The following VPS41 variants were observed in gnomAD, a reference collection of about 807,000 sequenced individuals.
VPS41 encodes vacuolar protein sorting-associated protein 41 homolog.
A neutral mutation model predicts 130.9 loss-of-function variants in VPS41; 85 were observed. The ratio of observed to expected loss-of-function variants is 0.65; its 90% confidence interval spans 0.55 to 0.78. VPS41 has a LOEUF of 0.78. VPS41 is among the 30% of genes least tolerant of loss of function. The probability of loss-of-function intolerance (pLI) is 0.00; values close to 1 mark genes in which losing one functional copy is unlikely to be tolerated. For missense variants in VPS41, 874 were observed against 1,018.7 expected (o/e 0.86, Z 1.93); for synonymous variants, 335 against 332.9 (o/e 1.01, Z -0.07).
chr7:38,817,691 T>C (rs1045443575), intron 7 of VPS41, 126 bp downstream of exon 7: 45 of 825,312 alleles, frequency 5.5e-5, no homozygotes, highest in Non-Finnish European at 8.0e-5. Flanking sequence ...CAGATTTCAT[T>C]ACATTTGTCT....
At chr7:38,758,932 TGGAA>T (rs574494344) in intron 17 of VPS41, among the ~76,000 whole-genome samples, 1,860 of 152,352 alleles carry the variant, frequency 0.012, 55 homozygotes, top group African/African-American at 0.041. Context: ...AAAGAGGACC[TGGAA>T]GCTCCATGCC....
chr7:38,893,997 T>A (rs1290308556), intron 2 of VPS41, among the ~76,000 whole-genome samples: 2 of 152,126 alleles, frequency 1.3e-5, no homozygotes, highest in Admixed American at 1.3e-4. Flanking sequence ...TTACATGAAA[T>A]GCAACATTTC....
chr7:38,731,679 T>C (rs1267031432), intron 25 of VPS41, among the ~76,000 whole-genome samples: 1 of 152,112 alleles, frequency 6.6e-6, no homozygotes, highest in South Asian at 2.1e-4. Context: ...CACTCTTCTG[T>C]TACTCAGGTT....
Position 38,728,302 on chromosome 7 carries a change from T to G in VPS41, c.2404+240A>C, listed in dbSNP as rs75978641. On this transcript the variant is annotated intron_variant, in intron 27 of 28. Coordinates refer to ENST00000310301, the MANE Select transcript of VPS41 (RefSeq NM_014396.4). The stretch of plus-strand genomic sequence containing the variant: ...CTAGGGAGTCTGACTGGGTCAGCGA[T>G]CTGGGTTCCAATAAGCCTGCCAGGT... 3,023 of 668,066 alleles carry G rather than the reference T, an allele frequency of 4.5e-3. 70 individuals are homozygous for G. The highest frequency in any genetic ancestry group is 0.045 in the African/African-American group (2,503 of 55,876). 41.4% of individuals were successfully genotyped at this position (668,066 alleles called of 1,614,324 possible).
chr7:38,790,182 A>G (rs997502865), intron 9 of VPS41, among the ~76,000 whole-genome samples: 4 of 152,194 alleles, frequency 2.6e-5, no homozygotes, highest in Non-Finnish European at 5.9e-5. Context: ...TCTTTTACAT[A>G]GTGTTCTTTT....
intron 14 of VPS41, among the ~76,000 whole-genome samples, chr7:38,769,662 C>T (rs1335359067): frequency 3.3e-5 from 5 of 152,186 alleles, no homozygotes; most frequent in Admixed American, 3.3e-4. Flanking sequence ...GATTTTTACT[C>T]TTATTCTTTC....
chr7:38,830,520 T>C (rs769343469), intron 4 of VPS41, among the ~76,000 whole-genome samples, 192 bp from the exon 5 acceptor site: 1 of 152,210 alleles, frequency 6.6e-6, no homozygotes, highest in Non-Finnish European at 1.5e-5. Flanking sequence ...CAACATGAGC[T>C]TGCAGAGTAG....
Position 38,725,522 on chromosome 7 carries a change from AT to A in VPS41, c.*723del, listed in dbSNP as rs1795519832. 6.6e-6 allele frequency: 1 copy of A among 152,246 alleles called. No homozygotes were observed. The highest frequency in any genetic ancestry group is 1.5e-5 in the Non-Finnish European group (1 of 68,060). 9.4% of individuals were successfully genotyped at this position (152,246 alleles called of 1,614,324 possible). The stretch of plus-strand genomic sequence containing the variant: ...CAAGGGTGCCAGAATTCTTAACTGC[AT>A]TTGTTTATCCCAGTAAAAGTGAGTC... On this transcript the variant is annotated 3_prime_UTR_variant, in exon 29 of 29. Transcript: ENST00000310301.
intron 7 of VPS41, among the ~76,000 whole-genome samples, chr7:38,804,740 T>C (rs1233276067): frequency 1.3e-5 from 2 of 152,252 alleles, no homozygotes; most frequent in African/African-American, 4.8e-5. Flanking sequence ...GGCTTGGCAA[T>C]CAAGCCAGCA....
rs766462863 is a variant in VPS41, at chr7:38,817,851, G to C, written c.416C>G (p.Ser139Cys). Residue 139 changes from serine to cysteine, a missense_variant, in exon 7 of 29, where the codon TCC (serine) becomes TGC (cysteine). Physicochemically the swap from Ser to Cys is moderately radical, Grantham distance 112 (BLOSUM62 -1). Coordinates refer to ENST00000310301, the MANE Select transcript of VPS41 (RefSeq NM_014396.4). ...TCCGGTCACAAACTGCTTGCAACTG[G>C]ATCTCACGAAATGTGGGTGCACAGC... ...IIAVHPHFVR[S>C]SCKQFVTGGK... The C allele has an allele frequency of 6.2e-7, 1 of 1,614,074 alleles. No individual in the cohort carries two copies. The highest frequency in any genetic ancestry group is 1.1e-5 in the South Asian group (1 of 91,086).
At chr7:38,893,122 A>G (rs1365636783) in intron 2 of VPS41, among the ~76,000 whole-genome samples, 1 of 152,188 alleles carries the variant, frequency 6.6e-6, no homozygotes, top group Non-Finnish European at 1.5e-5. Context: ...CACAGAATCA[A>G]GTCCACACTT....
intron 2 of VPS41, among the ~76,000 whole-genome samples, chr7:38,890,708 T>C (rs1020688604): frequency 7.2e-5 from 11 of 151,880 alleles, no homozygotes; most frequent in African/African-American, 2.7e-4. Context: ...CTTTTAGAGA[T>C]AGGGTCTTGC....
chr7:38,879,743 G>T (rs1786562674), intron 2 of VPS41, among the ~76,000 whole-genome samples: 5 of 152,114 alleles, frequency 3.3e-5, no homozygotes, highest in Admixed American at 3.3e-4. Context: ...CTAATGCTGT[G>T]GCTGATCTAA....
chr7:38,878,776 C>T lies in VPS41; in HGVS notation c.61-9523G>A, dbSNP rs558334533. On this transcript the variant is annotated intron_variant, in intron 2 of 28. Transcript: ENST00000310301. ...TCAGTAAATACAAAGGTTTCTTTAC[C>T]GAAGAGCTAAGAATGAAGAGCCACG... Among the ~76,000 whole-genome samples, 5 of 152,168 alleles carry T rather than the reference C, an allele frequency of 3.3e-5. No homozygotes were observed. The East Asian group carries it at 9.6e-4, about 29-fold the overall frequency.
chr7:38,802,811 G>A (rs1427502122), intron 7 of VPS41, among the ~76,000 whole-genome samples: 1 of 152,096 alleles, frequency 6.6e-6, no homozygotes, highest in East Asian at 1.9e-4. Context: ...TATGGGGTAA[G>A]CCATTGAAAA....
chr7:38,878,872 C>T (rs1418023710), intron 2 of VPS41, among the ~76,000 whole-genome samples: 1 of 152,190 alleles, frequency 6.6e-6, no homozygotes. Flanking sequence ...CCATCATCAG[C>T]AGGAAACAAC....
chr7:38,790,185 G>A (rs1784510746), intron 9 of VPS41, among the ~76,000 whole-genome samples: 1 of 152,016 alleles, frequency 6.6e-6, no homozygotes, highest in Non-Finnish European at 1.5e-5. Flanking sequence ...TTTACATAGT[G>A]TTCTTTTATA....
intron 17 of VPS41, among the ~76,000 whole-genome samples, chr7:38,758,761 A>G (rs1005580809): frequency 1.3e-4 from 20 of 152,294 alleles, no homozygotes; most frequent in African/African-American, 4.8e-4. Flanking sequence ...CACAACCTCC[A>G]AGGAGGGGAG....
At chr7:38,860,693 CTGTT>C (rs1554296411) in intron 4 of VPS41, among the ~76,000 whole-genome samples, 1 of 134,342 alleles carries the variant, frequency 7.4e-6, no homozygotes, top group Admixed American at 7.7e-5. Flanking sequence ...TATTAACAAT[CTGTT>C]TGTGTGTGTG....
Sources: gnomAD v4.1 joint callset for allele counts (sites outside exome capture counted in the v4.1 genomes callset) on GRCh38, gnomAD v4.1.1 for gene constraint, MANE v1.5 for transcripts, NCBI Gene and HGNC (gene_info 2026-07-23, HGNC 2026-07-21) for gene names.